The following PAQR8 variants were observed in gnomAD, a reference collection of about 807,000 sequenced individuals.
PAQR8 encodes the protein progestin and adipoQ receptor family member 8, also known as membrane progestin receptor beta.
PAQR8 carries 17 observed loss-of-function variants against 25.2 expected under a neutral mutation model. The observed-to-expected ratio is 0.67, with a 90% CI of 0.46 to 1.01. The LOEUF (loss-of-function observed/expected upper bound fraction) is 1.01. Ranked by LOEUF, PAQR8 falls within the 50% of genes least tolerant of loss-of-function variation. The pLI, the probability that PAQR8 is intolerant of heterozygous loss-of-function variation, is 0.00. For synonymous variants in PAQR8, 204 were observed against 190.6 expected, an observed-to-expected ratio of 1.07 and a Z score of -0.58; for missense variants, 392 against 448.4, an observed-to-expected ratio of 0.87 and a Z score of 1.14.
intron 1 of PAQR8, among the ~76,000 whole-genome samples, chr6:52,392,042 A>G (rs1431882146): frequency 6.6e-6 from 1 of 152,216 alleles, no homozygotes; most frequent in Non-Finnish European, 1.5e-5. Context: ...CTTAAGGACA[A>G]GGGCACCAAG....
chr6:52,397,713 A>G (rs1763782727), intron 1 of PAQR8, among the ~76,000 whole-genome samples: 1 of 152,228 alleles, frequency 6.6e-6, no homozygotes, highest in South Asian at 2.1e-4. Context: ...TCAGCTGTCC[A>G]GGAGCTGGAG....
At chr6:52,364,366 G>T (rs540908029) in intron 1 of PAQR8, among the ~76,000 whole-genome samples, 11 of 152,092 alleles carry the variant, frequency 7.2e-5, no homozygotes, top group Non-Finnish European at 1.3e-4. Flanking sequence ...GAGTGGTCAG[G>T]ACCTTGCATC....
At chr6:52,369,815 C>T (rs1763396702) in intron 1 of PAQR8, among the ~76,000 whole-genome samples, 1 of 152,080 alleles carries the variant, frequency 6.6e-6, no homozygotes, top group Non-Finnish European at 1.5e-5. Context: ...TTTTTTATTC[C>T]TGCACTTAAG....
intron 1 of PAQR8, among the ~76,000 whole-genome samples, chr6:52,401,050 G>A (rs1478756519): frequency 6.6e-6 from 1 of 152,138 alleles, no homozygotes; most frequent in African/African-American, 2.4e-5. Flanking sequence ...AGAAACTGAG[G>A]CTGAGAGAAT....
In PAQR8 at chr6:52,382,861, C is replaced by A. The variant is rs1581792405; in HGVS notation, c.-52-20301C>A. Reference sequence around the variant, plus strand: ...CCAGACTAGAATGCGGTGTCACTATCATGGCTCACTGCAGCCTCAATCTCC... The same window carrying A: ...CCAGACTAGAATGCGGTGTCACTATAATGGCTCACTGCAGCCTCAATCTCC... On this transcript the variant is annotated intron_variant, in intron 1 of 1. Transcript: ENST00000442253. Among the ~76,000 whole-genome samples, 3 of 152,160 alleles carry A rather than the reference C, an allele frequency of 2.0e-5. No individual in the cohort carries two copies. In the South Asian group the frequency reaches 6.2e-4, roughly 32 times the overall value.
intron 1 of PAQR8, among the ~76,000 whole-genome samples, chr6:52,372,096 T>TG (rs1763425972): frequency 6.6e-6 from 1 of 152,116 alleles, no homozygotes; most frequent in Admixed American, 6.5e-5. Context: ...ACTGGAGGCA[T>TG]GGAGTGCATT....
At chr6:52,366,986 T>C (rs1281252849) in intron 1 of PAQR8, among the ~76,000 whole-genome samples, 7 of 152,092 alleles carry the variant, frequency 4.6e-5, no homozygotes, top group Non-Finnish European at 8.8e-5. Context: ...CCTCGTGATC[T>C]GCCCATCTTG....
chr6:52,365,185 C>G (rs959950835), intron 1 of PAQR8, among the ~76,000 whole-genome samples: 1 of 151,920 alleles, frequency 6.6e-6, no homozygotes, highest in Non-Finnish European at 1.5e-5. Context: ...TAGGTAATGC[C>G]TGGTGCTTGA....
rs574403477 is a variant in PAQR8 at position 52,383,232 on chromosome 6, C to G, written c.-52-19930C>G. Reference sequence around the variant, plus strand: ...ATGTTACGTTATTCTCTACACTCTTCTACATACTTGAAATATTTCATAATA... The same window carrying G: ...ATGTTACGTTATTCTCTACACTCTTGTACATACTTGAAATATTTCATAATA... On this transcript the variant is annotated intron_variant, in intron 1 of 1. Transcript: ENST00000442253. 2.0e-5 allele frequency among the ~76,000 whole-genome samples: 3 copies of G among 152,348 alleles called. No homozygotes were observed. In the East Asian group the frequency reaches 5.8e-4, roughly 29 times the overall value.
rs565358849 is a variant in PAQR8, at chr6:52,379,390, T to C, written c.-53+17141T>C. Among the ~76,000 whole-genome samples the C allele has an allele frequency of 3.3e-5, 5 of 152,294 alleles. No homozygotes were observed. The South Asian group carries it at 1.0e-3, about 32-fold the overall frequency. ...TCGGTTGCACAACACTGTGAATTGA[T>C]TTAACACTACTGAACTGTACACTTA... On this transcript the variant is annotated intron_variant, in intron 1 of 1. Transcript: ENST00000442253.
rs56863191 is a variant in PAQR8, at chr6:52,407,669, C to CTTGA, written c.*3394_*3395insATTG. ...CTAATTCTATTGGTCTTGTGTTTTG[C>CTTGA]TTGCTTGGCAAAAAAAAAAAAAAAA... On this transcript the variant is annotated 3_prime_UTR_variant, in exon 2 of 2. Coordinates refer to ENST00000442253, the MANE Select transcript of PAQR8 (RefSeq NM_133367.5). 93,319 of 120,678 alleles carry CTTGA rather than the reference C, an allele frequency of 0.77. 36,009 individuals carry two copies. The highest frequency in any genetic ancestry group is 0.87 in the African/African-American group (25,726 of 29,612). 7.5% of individuals were successfully genotyped at this position (120,678 alleles called of 1,614,324 possible).
chr6:52,370,070 A>G (rs935213471), intron 1 of PAQR8, among the ~76,000 whole-genome samples: 11 of 147,134 alleles, frequency 7.5e-5, no homozygotes, highest in South Asian at 2.1e-4. Flanking sequence ...CTTGGATTGC[A>G]TGGGTTTTTT....
intron 1 of PAQR8, among the ~76,000 whole-genome samples, chr6:52,402,771 T>G (rs1763850544): frequency 1.3e-5 from 2 of 152,218 alleles, no homozygotes; most frequent in South Asian, 4.1e-4. Flanking sequence ...AAAGCCACGT[T>G]GCATTAAAAT....
Position 52,407,676 on chromosome 6 carries a change from G to C in PAQR8, c.*3398G>C, listed in dbSNP as rs1763927710. 5.4e-5 allele frequency: 2 copies of C among 37,172 alleles called. No homozygotes were observed. Among genetic ancestry groups the C allele is most frequent in the South Asian group, 3.2e-3 (2 of 634 alleles). 2.3% of individuals were successfully genotyped at this position (37,172 alleles called of 1,614,324 possible). A position where few individuals can be genotyped will look rare whatever the true frequency, so the allele number is the denominator to read the frequency against. On this transcript the variant is annotated 3_prime_UTR_variant, in exon 2 of 2. Coordinates refer to ENST00000442253, the MANE Select transcript of PAQR8 (RefSeq NM_133367.5). ...TATTGGTCTTGTGTTTTGCTTGCTTGGCAAAAAAAAAAAAAAAAAAAAAAA... is the reference window on the plus strand; with the variant it reads ...TATTGGTCTTGTGTTTTGCTTGCTTCGCAAAAAAAAAAAAAAAAAAAAAAA...
chr6:52,370,074 G>GT lies in PAQR8; in HGVS notation c.-53+7836dup, dbSNP rs11304537. 9.3e-3 allele frequency among the ~76,000 whole-genome samples: 1,373 copies of GT among 148,134 alleles called. 19 individuals are homozygous for GT. The highest frequency in any genetic ancestry group is 0.031 in the African/African-American group (1,272 of 40,582). On this transcript the variant is annotated intron_variant, in intron 1 of 1. Transcript: ENST00000442253. ...TAAAGGTATTTCTTGGATTGCATGGGTTTTTTTTTTTCCCCTCTTTAAAAT... is the reference window on the plus strand; with the variant it reads ...TAAAGGTATTTCTTGGATTGCATGGGTTTTTTTTTTTTCCCCTCTTTAAAAT...
intron 1 of PAQR8, among the ~76,000 whole-genome samples, chr6:52,383,232 C>T (rs574403477): frequency 5.9e-5 from 9 of 152,232 alleles, no homozygotes; most frequent in African/African-American, 2.2e-4. Context: ...CTACACTCTT[C>T]TACATACTTG....
chr6:52,372,603 C>T (rs1465249829), intron 1 of PAQR8, among the ~76,000 whole-genome samples: 1 of 151,948 alleles, frequency 6.6e-6, no homozygotes, highest in East Asian at 1.9e-4. Context: ...TTCTCTCTCT[C>T]TTTCTTTCTC....
chr6:52,395,455 G>A (rs1289066580), intron 1 of PAQR8, among the ~76,000 whole-genome samples: 1 of 152,100 alleles, frequency 6.6e-6, no homozygotes, highest in East Asian at 1.9e-4. Context: ...AGATAGGGGA[G>A]TTCAAATATC....
chr6:52,395,368 T>TGGTACATA (rs1159469826), intron 1 of PAQR8, among the ~76,000 whole-genome samples: 1 of 152,094 alleles, frequency 6.6e-6, no homozygotes, highest in Non-Finnish European at 1.5e-5. Flanking sequence ...AGTGAATTCA[T>TGGTACATA]GGTACATATA....
Sources: allele counts gnomAD v4.1 joint callset (sites outside exome capture counted in the v4.1 genomes callset), GRCh38; gene constraint gnomAD v4.1.1; transcripts MANE v1.5; gene names NCBI Gene and HGNC (gene_info 2026-07-23, HGNC 2026-07-21).